Variants in KCNU1 observed in about 807,000 individuals in gnomAD.
KCNU1 encodes potassium calcium-activated channel subfamily U member 1, also known as potassium channel subfamily U member 1.
In KCNU1, 93 loss-of-function variants were observed where a neutral mutation model predicts 126.8. That is an observed-to-expected ratio of 0.73 (90% CI 0.62 to 0.87). The LOEUF is 0.87. Among genes scored for constraint, KCNU1 ranks in the 40% least tolerant of loss-of-function variants. The pLI is 0.00. For synonymous variants in KCNU1, 523 were observed against 494.2 expected, an observed-to-expected ratio of 1.06 and a Z score of -0.77; for missense variants, 1,330 against 1,367.1, an observed-to-expected ratio of 0.97 and a Z score of 0.43.
intron 19 of KCNU1, among the ~76,000 whole-genome samples, chr8:36,865,413 A>G (rs1462934864): frequency 2.6e-5 from 4 of 152,080 alleles, no homozygotes; most frequent in African/African-American, 9.7e-5. Context: ...TCCCATGTTC[A>G]TTGCAGCAGT....
chr8:36,865,418 A>C (rs1318633182), intron 19 of KCNU1, among the ~76,000 whole-genome samples: 1 of 152,066 alleles, frequency 6.6e-6, no homozygotes, highest in Non-Finnish European at 1.5e-5. Context: ...TGTTCATTGC[A>C]GCAGTATTCG....
chr8:36,894,870 A>G (rs547138604), intron 19 of KCNU1, among the ~76,000 whole-genome samples: 3 of 152,164 alleles, frequency 2.0e-5, no homozygotes, highest in African/African-American at 7.2e-5. Context: ...CATAAAGACT[A>G]TAGTCCTTAT....
At position 36,817,816 on chromosome 8, in the gene KCNU1, A is replaced by C. The variant is rs1803977820; in HGVS notation, c.1106+56A>C. Reference sequence around the variant, plus strand: ...AAATTAATACTTAAAATACGTGTGAATATTTTTAATGCAAGAAAATTACCT... The same window carrying C: ...AAATTAATACTTAAAATACGTGTGACTATTTTTAATGCAAGAAAATTACCT... On this transcript the variant is annotated intron_variant, in intron 10 of 26. Coordinates refer to ENST00000399881, the MANE Select transcript of KCNU1 (RefSeq NM_001031836.3). The C allele has an allele frequency of 3.7e-6, 3 of 818,160 alleles. No homozygotes were observed. In the Admixed American group the frequency reaches 5.7e-5, roughly 15 times the overall value. 50.7% of individuals were successfully genotyped at this position (818,160 alleles called of 1,614,324 possible).
chr8:36,906,157 T>C (rs1807620617), intron 20 of KCNU1, among the ~76,000 whole-genome samples: 1 of 149,496 alleles, frequency 6.7e-6, no homozygotes, highest in Admixed American at 6.8e-5. Context: ...CAGGGAAACC[T>C]ACTGTTTACA....
chr8:36,821,457 C>T (rs1022049648), intron 10 of KCNU1, among the ~76,000 whole-genome samples: 3 of 152,186 alleles, frequency 2.0e-5, no homozygotes, highest in Non-Finnish European at 4.4e-5. Context: ...CTTCTCCATT[C>T]AGTTCACAGG....
At chr8:36,868,976 G>T (rs1231645133) in intron 19 of KCNU1, among the ~76,000 whole-genome samples, 3 of 151,996 alleles carry the variant, frequency 2.0e-5, no homozygotes, top group African/African-American at 4.8e-5. Flanking sequence ...TCCACTTTGG[G>T]TGAGTTACGA....
intron 19 of KCNU1, among the ~76,000 whole-genome samples, chr8:36,901,207 A>G (rs1298135226): frequency 1.3e-5 from 2 of 152,132 alleles, no homozygotes; most frequent in African/African-American, 4.8e-5. Flanking sequence ...TAATGATGAC[A>G]AATTTACATT....
intron 2 of KCNU1, among the ~76,000 whole-genome samples, chr8:36,799,387 T>C (rs756610067): frequency 6.6e-6 from 1 of 152,074 alleles, no homozygotes; most frequent in Non-Finnish European, 1.5e-5. Context: ...GCCTTTTCGA[T>C]CTAGACTCAG....
At chr8:36,881,189 A>G (rs1480579535) in intron 19 of KCNU1, among the ~76,000 whole-genome samples, 1 of 152,064 alleles carries the variant, frequency 6.6e-6, no homozygotes, top group Non-Finnish European at 1.5e-5. Context: ...CTTTGCAACC[A>G]TTGGAGGAGG....
In KCNU1 at chr8:36,805,244, T is replaced by C; in HGVS notation, c.427T>C (p.Leu143=). The change falls in exon 4 of 27, where the codon TTG becomes CTG. Residue 143 remains leucine (L), a synonymous_variant. Transcript: ENST00000399881. Reference sequence around the variant, plus strand: ...TGAAGACAAAACCATTCCTATTGATTTGGTTTTCAATGCTTTCTTTAGTTT... The same window carrying C: ...TGAAGACAAAACCATTCCTATTGATCTGGTTTTCAATGCTTTCTTTAGTTT... ...SYEDKTIPID[L]VFNAFFSFYF... 6.2e-7 allele frequency: 1 copy of C among 1,609,994 alleles called. No individual in the cohort carries two copies. The highest frequency in any genetic ancestry group is 8.5e-7 in the Non-Finnish European group (1 of 1,177,698).
chr8:36,842,486 C>T (rs941917312), intron 16 of KCNU1, among the ~76,000 whole-genome samples: 1 of 152,138 alleles, frequency 6.6e-6, no homozygotes, highest in Non-Finnish European at 1.5e-5. Flanking sequence ...ACAATCAAAA[C>T]CTCTGAATGT....
chr8:36,882,539 C>T (rs539266913), intron 19 of KCNU1, among the ~76,000 whole-genome samples: 33 of 152,284 alleles, frequency 2.2e-4, no homozygotes, highest in African/African-American at 7.2e-4. Flanking sequence ...ATCGTCCTCA[C>T]CAAATTGGCA....
Position 36,784,479 on chromosome 8 carries a change from C to A in KCNU1, c.69C>A (p.Ile23=). 1 of 1,613,882 alleles carries A rather than the reference C, an allele frequency of 6.2e-7. No homozygotes were observed. The highest frequency in any genetic ancestry group is 8.5e-7 in the Non-Finnish European group (1 of 1,179,818). Reference sequence around the variant, plus strand: ...CAAAAATGTCCTGCACAACTGAGATCCAAGCAGCATTCATTCTCTCTTCCT... The same window carrying A: ...CAAAAATGTCCTGCACAACTGAGATACAAGCAGCATTCATTCTCTCTTCCT... ...DLPKMSCTTE[I]QAAFILSSFV... is the part of the protein sequence containing the mutation. Residue 23 remains isoleucine (I), a synonymous_variant, in exon 1 of 27, where the codon ATC becomes ATA. Coordinates refer to ENST00000399881, the MANE Select transcript of KCNU1 (RefSeq NM_001031836.3).
rs1405435599 is a variant in KCNU1, at chr8:36,806,346, C to A, written c.546C>A (p.Thr182=). 2.5e-6 allele frequency: 4 copies of A among 1,607,850 alleles called. No individual in the cohort carries two copies. Among genetic ancestry groups the A allele is most frequent in the Non-Finnish European group, 3.4e-6 (4 of 1,176,610 alleles). ...TAGACATCTTTACCATCCCACCAACCTTTATTTCTTATTATTTGAAGAGCA... is the reference window on the plus strand; with the variant it reads ...TAGACATCTTTACCATCCCACCAACATTTATTTCTTATTATTTGAAGAGCA... The part of the protein sequence containing the change: ...SIVDIFTIPP[T]FISYYLKSNW... The change falls in exon 5 of 27, where the codon ACC becomes ACA. Residue 182 remains threonine (T), a synonymous_variant. Coordinates refer to ENST00000399881, the MANE Select transcript of KCNU1 (RefSeq NM_001031836.3).
intron 19 of KCNU1, among the ~76,000 whole-genome samples, chr8:36,875,066 G>T (rs1174802369): frequency 6.6e-6 from 1 of 151,926 alleles, no homozygotes; most frequent in Non-Finnish European, 1.5e-5. Flanking sequence ...AGGTACCAGT[G>T]GGGAAAAAGC....
intron 19 of KCNU1, among the ~76,000 whole-genome samples, chr8:36,866,144 G>A (rs533690729): frequency 1.3e-5 from 2 of 152,236 alleles, no homozygotes; most frequent in East Asian, 3.9e-4. Context: ...TTCTCATAGC[G>A]AGGAAGGTAT....
At chr8:36,841,818 A>G (rs372098885) in intron 16 of KCNU1, among the ~76,000 whole-genome samples, 27 of 152,334 alleles carry the variant, frequency 1.8e-4, no homozygotes, top group African/African-American at 6.3e-4. Context: ...AGACATCAGC[A>G]TTTCCCAAAA....
intron 7 of KCNU1, among the ~76,000 whole-genome samples, chr8:36,809,543 A>C (rs1457136187): frequency 1.3e-5 from 2 of 152,254 alleles, no homozygotes; most frequent in African/African-American, 4.8e-5. Context: ...CAATTCAACA[A>C]GAAAAATGTC....
At position 36,930,952 on chromosome 8, in the gene KCNU1, C is replaced by T; in HGVS notation, c.2738C>T (p.Ala913Val). Reference sequence around the variant, plus strand: ...ATGTGGCTTGTCCTTGTTTTCCAGGCCTTCTACAATTATCATGTCCTGGAA... The same window carrying T: ...ATGTGGCTTGTCCTTGTTTTCCAGGTCTTCTACAATTATCATGTCCTGGAA... ...GSFLDSLLATAFYNYHVLELL... is the reference protein window; with the variant it reads ...GSFLDSLLATVFYNYHVLELL... Residue 913 changes from alanine (A) to valine (V), a missense_variant and splice_region_variant, in exon 25 of 27, where the codon GCC becomes GTC. Physicochemically the swap from Ala to Val is moderately conservative, Grantham distance 64 (BLOSUM62 0). This residue lies in a region of KCNU1 where 1,054 missense variants were observed against 1,053.9 expected (regional missense o/e 1.00). Transcript: ENST00000399881. 2 of 1,598,284 alleles carry T rather than the reference C, an allele frequency of 1.3e-6. No individual in the cohort carries two copies. Among genetic ancestry groups the T allele is most frequent in the Non-Finnish European group, 1.7e-6 (2 of 1,171,924 alleles).
Sources: allele counts gnomAD v4.1 joint callset (sites outside exome capture counted in the v4.1 genomes callset), GRCh38; gene constraint gnomAD v4.1.1; regional missense constraint gnomAD v4.1.1; transcripts MANE v1.5; gene names NCBI Gene and HGNC (gene_info 2026-07-23, HGNC 2026-07-21).